The following THEMIS variants were observed in gnomAD, a reference collection of about 807,000 sequenced individuals.
THEMIS encodes the protein thymocyte selection associated.
THEMIS carries 37 observed loss-of-function variants against 52.6 expected under a neutral mutation model. The observed-to-expected ratio is 0.70, with a 90% confidence interval of 0.54 to 0.93. THEMIS has a LOEUF of 0.93. Ranked by LOEUF, THEMIS falls within the 40% of genes least tolerant of loss-of-function variation. The pLI is 0.00. For synonymous variants in THEMIS, 292 were observed against 272.7 expected, an observed-to-expected ratio of 1.07 and a Z score of -0.70; for missense variants, 808 against 763.1, an observed-to-expected ratio of 1.06 and a Z score of -0.69.
At position 127,812,916 on chromosome 6, in the gene THEMIS, T is replaced by C. The variant is rs1466359950; in HGVS notation, c.1725A>G (p.Glu575=). The change falls in exon 4 of 6, where the codon GAA becomes GAG. Residue 575 remains glutamate (E), a synonymous_variant. Transcript: ENST00000368248. ...ETKLTLLTLA[E]ERTVDLPKSP... is the part of the protein sequence containing the mutation. The stretch of plus-strand genomic sequence containing the variant: ...ACTTGGGCAGGTCTACCGTCCTTTC[T>C]TCTGCTAAGGTTAGCAGGGTTAACT... The C allele has an allele frequency of 2.8e-5, 45 of 1,611,906 alleles. No individual in the cohort carries two copies. Among genetic ancestry groups the C allele is most frequent in the Non-Finnish European group, 3.7e-5 (44 of 1,178,882 alleles).
chr6:127,879,422 T>G (rs1780410509), intron 1 of THEMIS, among the ~76,000 whole-genome samples: 1 of 152,094 alleles, frequency 6.6e-6, no homozygotes, highest in Non-Finnish European at 1.5e-5. Flanking sequence ...TGAATATTCT[T>G]GGACATTCAT....
At chr6:127,882,238 A>T (rs1427877702) in intron 1 of THEMIS, among the ~76,000 whole-genome samples, 5 of 151,818 alleles carry the variant, frequency 3.3e-5, no homozygotes, top group Non-Finnish European at 7.4e-5. Context: ...TCAATGTGTT[A>T]CATGAGATAT....
chr6:127,888,984 G>C (rs557858296), intron 1 of THEMIS, among the ~76,000 whole-genome samples: 1 of 152,172 alleles, frequency 6.6e-6, no homozygotes, highest in African/African-American at 2.4e-5. Flanking sequence ...ATCAGTGAGA[G>C]AAGTGTAGCT....
downstream of THEMIS, among the ~76,000 whole-genome samples, chr6:127,705,934 GA>G (rs1773792232): frequency 6.6e-6 from 1 of 152,126 alleles, no homozygotes; most frequent in Non-Finnish European, 1.5e-5. Flanking sequence ...GAGTTCTTAT[GA>G]AACCATGTAT....
Position 127,889,242 on chromosome 6 carries a change from A to G in THEMIS, c.91+11600T>C, listed in dbSNP as rs143150492. 2.5e-3 allele frequency among the ~76,000 whole-genome samples: 377 copies of G among 152,248 alleles called. 3 individuals carry two copies. Among genetic ancestry groups the G allele is most frequent in the Middle Eastern group, 0.02 (6 of 294 alleles). On this transcript the variant is annotated intron_variant, in intron 1 of 5. Transcript: ENST00000368248. ...ATTTTTGTTCTCAGTACATTTGCCA[A>G]TACAAGTCATGTGATCATGTGACCA...
upstream of THEMIS, among the ~76,000 whole-genome samples, chr6:127,902,004 C>T (rs1781146924): frequency 1.3e-5 from 2 of 151,802 alleles, no homozygotes; most frequent in Admixed American, 6.6e-5. Context: ...GTGGTAGTTC[C>T]TAAGTCTCTT....
intron 4 of THEMIS, among the ~76,000 whole-genome samples, chr6:127,760,745 G>T (rs1383820578): frequency 1.3e-5 from 2 of 152,004 alleles, no homozygotes; most frequent in Non-Finnish European, 2.9e-5. Context: ...CCACTGCACT[G>T]CATCCTGTAT....
At chr6:127,820,558 C>A (rs1299314250) in intron 3 of THEMIS, among the ~76,000 whole-genome samples, 1 of 151,962 alleles carries the variant, frequency 6.6e-6, no homozygotes, top group Non-Finnish European at 1.5e-5. Flanking sequence ...AGGAGGAAAT[C>A]CAAAATATTT....
intron 1 of THEMIS, among the ~76,000 whole-genome samples, chr6:127,911,882 T>C (rs1781420637): frequency 6.6e-6 from 1 of 151,512 alleles, no homozygotes; most frequent in Non-Finnish European, 1.5e-5. Context: ...AGGGGGCCAT[T>C]GTCCTTCAGA....
intron 4 of THEMIS, among the ~76,000 whole-genome samples, chr6:127,775,791 T>G (rs966697632): frequency 6.6e-6 from 1 of 152,254 alleles, no homozygotes; most frequent in Non-Finnish European, 1.5e-5. Flanking sequence ...GAGTCATTTA[T>G]GCTTTTTTGT....
intron 1 of THEMIS, among the ~76,000 whole-genome samples, chr6:127,855,483 C>T (rs573376052): frequency 1.3e-5 from 2 of 152,046 alleles, no homozygotes; most frequent in Admixed American, 6.6e-5. Context: ...ACAAACGTAT[C>T]TTCCACTACT....
intron 4 of THEMIS, among the ~76,000 whole-genome samples, chr6:127,737,110 T>C (rs116221946): frequency 1.3e-5 from 2 of 152,122 alleles, no homozygotes; most frequent in Non-Finnish European, 2.9e-5. Flanking sequence ...AATTATATAT[T>C]CCCACCAGAT....
At chr6:127,829,118 T>C (rs1389100440) in intron 3 of THEMIS, among the ~76,000 whole-genome samples, 7 of 152,156 alleles carry the variant, frequency 4.6e-5, no homozygotes. Flanking sequence ...ACCACCTCCA[T>C]ACAAGAAAGC....
intron 4 of THEMIS, among the ~76,000 whole-genome samples, chr6:127,794,528 A>G (rs149488339): frequency 1.4e-4 from 21 of 152,296 alleles, no homozygotes; most frequent in African/African-American, 4.1e-4. Flanking sequence ...GGGTCTTAGT[A>G]TGTTGTCCAT....
rs993027294 is a variant in THEMIS at position 127,751,612 on chromosome 6, G to A, written c.1759-31789C>T. ...GAAGACCATCAATAAAAATAAAAGT[G>A]TAAATTTATTGAGAGATTATAACAA... On this transcript the variant is annotated intron_variant, in intron 4 of 5. Coordinates refer to ENST00000368248, the MANE Select transcript of THEMIS (RefSeq NM_001010923.3). Among the ~76,000 whole-genome samples the A allele has an allele frequency of 4.6e-5, 7 of 151,514 alleles. 1 individual carries two copies. In the East Asian group the frequency reaches 1.4e-3, roughly 29 times the overall value.
At position 127,730,321 on chromosome 6, in the gene THEMIS, A is replaced by AAGAAAAGAAAAG. The variant is rs1307352446; in HGVS notation, c.1759-10499_1759-10498insCTTTTCTTTTCT. Among the ~76,000 whole-genome samples the AAGAAAAGAAAAG allele has an allele frequency of 2.6e-3, 162 of 61,574 alleles. 1 individual carries two copies. Among genetic ancestry groups the AAGAAAAGAAAAG allele is most frequent in the Non-Finnish European group, 7.2e-3 (135 of 18,822 alleles). 40.4% of individuals were successfully genotyped at this position (61,574 alleles called of 152,430 possible). On this transcript the variant is annotated intron_variant, in intron 4 of 5. Transcript: ENST00000368248. ...GAAAAGAAAAGAAAAGAAAAGAGAA[A>AAGAAAAGAAAAG]AAAAGAAAAGAAAAGAAAAGAAGAG...
At chr6:127,841,624 C>A (rs1426983767) in intron 2 of THEMIS, among the ~76,000 whole-genome samples, 1 of 151,886 alleles carries the variant, frequency 6.6e-6, no homozygotes, top group Non-Finnish European at 1.5e-5. Flanking sequence ...TAACCTAGAA[C>A]TGCAAAAGCT....
intron 4 of THEMIS, among the ~76,000 whole-genome samples, chr6:127,809,197 T>A (rs900514252): frequency 1.3e-5 from 2 of 152,202 alleles, no homozygotes; most frequent in African/African-American, 4.8e-5. Context: ...ATTCCATATA[T>A]AATCCATAAT....
intron 4 of THEMIS, among the ~76,000 whole-genome samples, chr6:127,728,418 A>T (rs1232275666): frequency 6.6e-6 from 1 of 152,206 alleles, no homozygotes; most frequent in Non-Finnish European, 1.5e-5. Context: ...CCCCCAAAGC[A>T]ACTTCTTTCT....
Sources: allele counts gnomAD v4.1 joint callset (sites outside exome capture counted in the v4.1 genomes callset), GRCh38; gene constraint gnomAD v4.1.1; transcripts MANE v1.5; gene names NCBI Gene and HGNC (gene_info 2026-07-23, HGNC 2026-07-21).